RBFOX1: variants seen among roughly 807,000 people sequenced by gnomAD.
The protein encoded by RBFOX1 is RNA binding protein fox-1 homolog 1.
A neutral mutation model predicts 57.7 loss-of-function variants in RBFOX1; 8 were observed. The observed-to-expected ratio is 0.14, with a 90% confidence interval of 0.08 to 0.25. The LOEUF is 0.25. RBFOX1 is among the 10% of genes least tolerant of loss of function. RBFOX1 has a pLI of 1.00. For missense variants in RBFOX1, 611 were observed against 548.5 expected (o/e 1.11, Z -1.14); for synonymous variants, 326 against 222.4 (o/e 1.47, Z -4.15).
chr16:6,204,253 A>C (rs986023351), intron 1 of RBFOX1, among the ~76,000 whole-genome samples: 7 of 152,050 alleles, frequency 4.6e-5, no homozygotes, highest in African/African-American at 1.7e-4. Flanking sequence ...TCCATTTTAC[A>C]GTGGGGAAAA....
chr16:5,380,722 C>A (rs1035440334), intron 1 of RBFOX1, among the ~76,000 whole-genome samples: 1 of 152,284 alleles, frequency 6.6e-6, no homozygotes, highest in Admixed American at 6.5e-5. Context: ...CAAAGACACA[C>A]GTCTAGTAAG....
intron 1 of RBFOX1, among the ~76,000 whole-genome samples, chr16:6,199,335 G>C (rs1004777403): frequency 6.6e-6 from 1 of 152,156 alleles, no homozygotes; most frequent in Non-Finnish European, 1.5e-5. Context: ...CTAATAGAAT[G>C]CCATTGTGGT....
intron 4 of RBFOX1, among the ~76,000 whole-genome samples, chr16:7,476,448 A>C (rs960764602): frequency 1.3e-5 from 2 of 152,190 alleles, no homozygotes; most frequent in Admixed American, 6.5e-5. Context: ...TCACTTAATA[A>C]ATGTTGGTTA....
At chr16:5,495,255 C>T (rs1430838812) in intron 2 of RBFOX1, among the ~76,000 whole-genome samples, 1 of 152,144 alleles carries the variant, frequency 6.6e-6, no homozygotes, top group Non-Finnish European at 1.5e-5. Flanking sequence ...ACCCTGCTTC[C>T]ATCAGCCTAG....
intron 1 of RBFOX1, among the ~76,000 whole-genome samples, chr16:6,087,911 A>G (rs1436934010): frequency 2.0e-5 from 3 of 152,186 alleles, no homozygotes; most frequent in Admixed American, 6.5e-5. Context: ...TCGGCCTCCC[A>G]AAATGCTGGG....
intron 4 of RBFOX1, among the ~76,000 whole-genome samples, chr16:7,473,396 A>G (rs1484121859): frequency 6.8e-6 from 1 of 148,098 alleles, no homozygotes; most frequent in African/African-American, 2.5e-5. Flanking sequence ...ACATATATAT[A>G]TATTTATATA....
Position 7,229,939 on chromosome 16 carries a change from AG to A in RBFOX1, c.27+177844del, listed in dbSNP as rs1335051535. On this transcript the variant is annotated intron_variant, in intron 4 of 15. Coordinates refer to ENST00000550418, the MANE Select transcript of RBFOX1 (RefSeq NM_018723.4). ...GAGAGAGAGGGAGGAAGGGAGAGAG[AG>A]GGAGGAAGGGAGAGAGAGGGAGGAA... 1.1e-3 allele frequency among the ~76,000 whole-genome samples: 39 copies of A among 36,940 alleles called. 3 individuals carry two copies. Among genetic ancestry groups the A allele is most frequent in the African/African-American group, 6.3e-3 (36 of 5,754 alleles). 24.2% of individuals were successfully genotyped at this position (36,940 alleles called of 152,430 possible).
At chr16:5,757,979 C>G (rs1282873683) in intron 3 of RBFOX1, among the ~76,000 whole-genome samples, 2 of 152,206 alleles carry the variant, frequency 1.3e-5, no homozygotes, top group Admixed American at 1.3e-4. Flanking sequence ...TACTGGTCAG[C>G]CATCACCTCT....
chr16:7,181,005 A>C (rs549175154), intron 4 of RBFOX1, among the ~76,000 whole-genome samples: 3 of 152,330 alleles, frequency 2.0e-5, no homozygotes, highest in African/African-American at 7.2e-5. Flanking sequence ...TGCAAAAGCA[A>C]TGGAATGTTG....
chr16:6,252,860 G>T (rs183696097), intron 1 of RBFOX1, among the ~76,000 whole-genome samples: 1 of 152,284 alleles, frequency 6.6e-6, no homozygotes, highest in Non-Finnish European at 1.5e-5. Flanking sequence ...AATGGATCGT[G>T]TAGGCACAGC....
chr16:7,612,320 C>CAAAAAAAA (rs60248765), intron 10 of RBFOX1, among the ~76,000 whole-genome samples: 20 of 71,448 alleles, frequency 2.8e-4, no homozygotes, highest in African/African-American at 8.4e-4. Context: ...GACTCCATCT[C>CAAAAAAAA]AAAAAAAAAA....
chr16:6,571,371 A>G (rs1478520978), intron 2 of RBFOX1, among the ~76,000 whole-genome samples: 1 of 152,168 alleles, frequency 6.6e-6, no homozygotes, highest in African/African-American at 2.4e-5. Flanking sequence ...TTTGAAACCT[A>G]GGAGACCATT....
At chr16:6,020,791 C>G (rs781536927) in intron 1 of RBFOX1, among the ~76,000 whole-genome samples, 4 of 152,218 alleles carry the variant, frequency 2.6e-5, no homozygotes, top group African/African-American at 9.6e-5. Context: ...CCCCACCGCC[C>G]AGGAGGCCAC....
At chr16:5,715,218 C>T (rs2051647969) in intron 3 of RBFOX1, among the ~76,000 whole-genome samples, 1 of 152,084 alleles carries the variant, frequency 6.6e-6, no homozygotes, top group Non-Finnish European at 1.5e-5. Context: ...TTGAAACAAC[C>T]CTATAAATCA....
intron 3 of RBFOX1, among the ~76,000 whole-genome samples, chr16:5,819,404 A>G (rs1410785380): frequency 2.0e-5 from 3 of 152,132 alleles, no homozygotes; most frequent in Admixed American, 6.5e-5. Context: ...GGTTAGCAAT[A>G]TCTTCCTATG....
intron 3 of RBFOX1, chr16:6,704,916 TA>T (rs1352359914): frequency 6.6e-6 from 1 of 152,188 alleles, no homozygotes; most frequent in African/African-American, 2.4e-5. Context: ...TTTCAATTTT[TA>T]AAAAGAAATA....
intron 1 of RBFOX1, among the ~76,000 whole-genome samples, chr16:6,030,999 C>A (rs9923541): frequency 0.11 from 17,247 of 151,982 alleles, 2,176 homozygotes; most frequent in African/African-American, 0.31. Flanking sequence ...GAGACTGACA[C>A]GAAACATGAA....
At chr16:5,248,903 G>A (rs569655931) in intron 1 of RBFOX1, among the ~76,000 whole-genome samples, 70 of 142,198 alleles carry the variant, frequency 4.9e-4, no homozygotes, top group African/African-American at 1.6e-3. Context: ...CACGTGAATT[G>A]CTTGAACCCG....
At chr16:7,295,509 A>G (rs111741326) in intron 4 of RBFOX1, among the ~76,000 whole-genome samples, 5 of 152,254 alleles carry the variant, frequency 3.3e-5, no homozygotes, top group African/African-American at 9.6e-5. Flanking sequence ...TCTTTCAACA[A>G]CTTAGGAAGG....
Sources: gnomAD v4.1 joint callset for allele counts (sites outside exome capture counted in the v4.1 genomes callset) on GRCh38, gnomAD v4.1.1 for gene constraint, MANE v1.5 for transcripts, NCBI Gene and HGNC (gene_info 2026-07-23, HGNC 2026-07-21) for gene names.